The following MICALL1 variants were observed in gnomAD, a reference collection of about 807,000 sequenced individuals.
MICALL1 encodes the protein MICAL-like protein 1.
A neutral mutation model predicts 83.7 loss-of-function variants in MICALL1; 61 were observed. The ratio of observed to expected loss-of-function variants is 0.73; its 90% CI spans 0.59 to 0.90. The LOEUF is 0.90. Among genes scored for constraint, MICALL1 ranks in the 40% least tolerant of loss-of-function variants. The pLI is 0.00. For missense variants in MICALL1, 1,066 were observed against 1,152.0 expected, an observed-to-expected ratio of 0.93 and a Z score of 1.08; for synonymous variants, 481 against 473.6, an observed-to-expected ratio of 1.02 and a Z score of -0.20.
chr22:37,931,859 A>C lies in MICALL1; in HGVS notation c.1942A>C (p.Lys648Gln). 6.2e-7 allele frequency: 1 copy of C among 1,614,088 alleles called. No homozygotes were observed. The highest frequency in any genetic ancestry group is 8.5e-7 in the Non-Finnish European group (1 of 1,179,992). The change falls in exon 10 of 16, where the codon AAG becomes CAG. Residue 648 changes from lysine (K) to glutamine (Q), a missense_variant. Lys to Gln is a moderately conservative substitution (Grantham distance 53, BLOSUM62 1). Transcript: ENST00000215957. ...KPSPAASPAT[K>Q]KATKGSKPVR... ...ATCACCTGCAGCGTCCCCAGCCACA[A>C]AGAAGGCCACCAAGGGATCCAAGCC...
intron 3 of MICALL1, among the ~76,000 whole-genome samples, chr22:37,916,635 A>C (rs1161758436): frequency 6.6e-6 from 1 of 152,150 alleles, no homozygotes; most frequent in Non-Finnish European, 1.5e-5. Flanking sequence ...CTGTGCCACC[A>C]CGCTCAGTGG....
Position 37,919,160 on chromosome 22 carries a change from AC to A in MICALL1, c.553del (p.His185IlefsTer156). Reference sequence around the variant, plus strand: ...CGCTACCTGGCTGACGGCAGGCTGTACCATCGCCACTGCTTCCGGTGAGTGG... The same window carrying A: ...CGCTACCTGGCTGACGGCAGGCTGTACATCGCCACTGCTTCCGGTGAGTGG... The part of the protein sequence containing the change: ...VQRYLADGRL[Y>X]HRHCFRCRRC... On this transcript the variant is annotated frameshift_variant, in exon 5 of 16. Coordinates refer to ENST00000215957, the MANE Select transcript of MICALL1 (RefSeq NM_033386.4). LOFTEE classifies it high-confidence loss of function. 6.5e-7 allele frequency: 1 copy of A among 1,543,586 alleles called. No individual in the cohort carries two copies. Among genetic ancestry groups the A allele is most frequent in the Non-Finnish European group, 8.8e-7 (1 of 1,142,000 alleles).
intron 1 of MICALL1, among the ~76,000 whole-genome samples, chr22:37,910,010 C>T (rs917043976): frequency 2.6e-5 from 4 of 152,128 alleles, no homozygotes; most frequent in South Asian, 2.1e-4. Context: ...CCGCACCACC[C>T]GAAATCCAGA....
chr22:37,933,373 T>C (rs977474828), intron 13 of MICALL1, among the ~76,000 whole-genome samples: 1 of 152,044 alleles, frequency 6.6e-6, no homozygotes, highest in African/African-American at 2.4e-5. Flanking sequence ...GGACCAGGGA[T>C]GACAGGCTCT....
At chr22:37,915,740 T>G (rs897414283) in intron 3 of MICALL1, among the ~76,000 whole-genome samples, 1 of 150,408 alleles carries the variant, frequency 6.6e-6, no homozygotes. Flanking sequence ...CTGCCTCCCA[T>G]GTTCAAGCGA....
At position 37,927,491 on chromosome 22, in the gene MICALL1, T is replaced by C. The variant is rs372799442; in HGVS notation, c.1546T>C (p.Ser516Pro). Residue 516 changes from serine (S) to proline (P), a missense_variant, in exon 9 of 16, where the codon TCT becomes CCT. Transcript: ENST00000215957. The stretch of plus-strand genomic sequence containing the variant: ...AGCGCTCAGCGTGGAGAGCCTGTCG[T>C]CTGAGAGCGCCAGCCAGACTGCAGG... The part of the protein sequence containing the change: ...SPALSVESLS[S>P]ESASQTAGAE... 9.3e-6 allele frequency: 15 copies of C among 1,612,044 alleles called. No individual in the cohort carries two copies. In the African/African-American group the frequency reaches 2.0e-4, roughly 22 times the overall value.
chr22:37,920,725 T>C (rs1313664899), intron 5 of MICALL1, among the ~76,000 whole-genome samples: 1 of 151,544 alleles, frequency 6.6e-6, no homozygotes, highest in Non-Finnish European at 1.5e-5. Flanking sequence ...ATCGAAGCCA[T>C]CCTGGCTAAC....
rs1311909813 is a variant in MICALL1 at position 37,906,315 on chromosome 22, G to A, written c.-108G>A. 3 of 849,652 alleles carry A rather than the reference G, an allele frequency of 3.5e-6. No individual in the cohort carries two copies. The highest frequency in any genetic ancestry group is 4.2e-6 in the Non-Finnish European group (3 of 706,162). 52.6% of individuals were successfully genotyped at this position (849,652 alleles called of 1,614,324 possible). A position where few individuals can be genotyped will look rare whatever the true frequency, so the allele number is the denominator to read the frequency against. On this transcript the variant is annotated 5_prime_UTR_variant, in exon 1 of 16. Coordinates refer to ENST00000215957, the MANE Select transcript of MICALL1 (RefSeq NM_033386.4). The surrounding 1 kb of genome is among the most constrained non-coding windows in gnomAD (Gnocchi z 4.4). ...TCCCCTCGCCTGCCGGTCGGCGCCCGAGCTCGGAGCCGCAGCCGCAGCCGG... is the reference window on the plus strand; with the variant it reads ...TCCCCTCGCCTGCCGGTCGGCGCCCAAGCTCGGAGCCGCAGCCGCAGCCGG...
At chr22:37,928,046 A>G (rs1304181252) in intron 9 of MICALL1, among the ~76,000 whole-genome samples, 1 of 150,748 alleles carries the variant, frequency 6.6e-6, no homozygotes, top group Non-Finnish European at 1.5e-5. Flanking sequence ...AGCTGGTACT[A>G]CAGGCGCCCA....
intron 5 of MICALL1, among the ~76,000 whole-genome samples, chr22:37,920,816 C>T (rs1928984526): frequency 6.6e-6 from 1 of 151,968 alleles, no homozygotes; most frequent in Non-Finnish European, 1.5e-5. Flanking sequence ...GTCCCAGCTA[C>T]TCGGGAGGCT....
At chr22:37,933,915 C>T (rs1929939985) in intron 13 of MICALL1, among the ~76,000 whole-genome samples, 1 of 152,228 alleles carries the variant, frequency 6.6e-6, no homozygotes, top group African/African-American at 2.4e-5. Flanking sequence ...CACACAGCCC[C>T]TCCAGACTGT....
In MICALL1 at chr22:37,941,213, C is replaced by G. The variant is rs1930419015; in HGVS notation, c.*383C>G. 1 of 182,512 alleles carries G rather than the reference C, an allele frequency of 5.5e-6. No individual in the cohort carries two copies. Among genetic ancestry groups the G allele is most frequent in the Admixed American group, 5.4e-5 (1 of 18,436 alleles). The allele number at this position is 182,512 out of a possible 1,614,324, so 11.3% of individuals were successfully genotyped here. ...CTGGGTCTCCGCCTCCAGGGTTCTG[C>G]TCTTCCAGGCAGGCCAGCAAGTGGC... On this transcript the variant is annotated 3_prime_UTR_variant, in exon 16 of 16. Transcript: ENST00000215957.
At chr22:37,912,100 C>A in intron 2 of MICALL1, 100 bp downstream of exon 2, 1 of 1,374,454 alleles carries the variant, frequency 7.3e-7, no homozygotes, top group Non-Finnish European at 1.0e-6. Context: ...ACGGTGGCTG[C>A]CCTTGTACAC....
rs376628957 is a variant in MICALL1 at position 37,912,315 on chromosome 22, C to T, written c.196-36C>T. 2.3e-5 allele frequency: 36 copies of T among 1,573,970 alleles called. No individual in the cohort carries two copies. In the African/African-American group the frequency reaches 3.0e-4, roughly 13 times the overall value. ...CTAACGCCTCCTCCTCTTCCTGCTT[C>T]GGCTGCTCCCGCCCTTGTACCTGTC... On this transcript the variant is annotated intron_variant, in intron 2 of 15. Transcript: ENST00000215957.
Position 37,912,073 on chromosome 22 carries a change from G to A in MICALL1, c.195+73G>A. 2.6e-6 allele frequency: 4 copies of A among 1,557,004 alleles called. No homozygotes were observed. In the East Asian group the frequency reaches 6.7e-5, roughly 26 times the overall value. ...TGTGTGTGTGTGTGTGTTTGGTGGG[G>A]AGGGCAGGGGTCTTGCACGGTGGCT... On this transcript the variant is annotated intron_variant, in intron 2 of 15. Coordinates refer to ENST00000215957, the MANE Select transcript of MICALL1 (RefSeq NM_033386.4).
chr22:37,916,194 T>A (rs1928666513), intron 3 of MICALL1, among the ~76,000 whole-genome samples: 1 of 152,202 alleles, frequency 6.6e-6, no homozygotes, highest in Non-Finnish European at 1.5e-5. Flanking sequence ...CAGCTTACCG[T>A]GCTGAGTGTG....
intron 2 of MICALL1, 99 bp from the exon 3 acceptor site, chr22:37,912,252 C>T (rs1928376278): frequency 7.0e-7 from 1 of 1,436,774 alleles, no homozygotes. Flanking sequence ...CACCCCATCC[C>T]ACTGAAGGGA....
intron 13 of MICALL1, among the ~76,000 whole-genome samples, chr22:37,934,888 G>T (rs868713163): frequency 6.7e-6 from 1 of 149,366 alleles, no homozygotes; most frequent in African/African-American, 2.5e-5. Flanking sequence ...GAGCCACTGC[G>T]CCTGGCTCTA....
chr22:37,928,789 T>G (rs1037833913), intron 9 of MICALL1, among the ~76,000 whole-genome samples: 1 of 152,154 alleles, frequency 6.6e-6, no homozygotes, highest in Non-Finnish European at 1.5e-5. Flanking sequence ...TTCCATTCAC[T>G]CAGGCTCTAC....
Sources: gnomAD v4.1 joint callset for allele counts (sites outside exome capture counted in the v4.1 genomes callset) on GRCh38, gnomAD v4.1.1 for gene constraint, Gnocchi (gnomAD v3.1) non-coding constraint, MANE v1.5 for transcripts, NCBI Gene and HGNC (gene_info 2026-07-23, HGNC 2026-07-21) for gene names.